Variants in NDUFB5 observed in about 807,000 individuals in gnomAD.
NDUFB5 encodes the protein NADH dehydrogenase [ubiquinone] 1 beta subcomplex subunit 5, mitochondrial.
A neutral mutation model predicts 19.4 loss-of-function variants in NDUFB5; 19 were observed. The observed-to-expected ratio is 0.98, with a 90% CI of 0.68 to 1.43. The LOEUF (loss-of-function observed/expected upper bound fraction) is 1.43. NDUFB5 is among the 40% of genes most tolerant of loss of function. The pLI is 0.00. For synonymous variants in NDUFB5, 80 were observed against 82.6 expected, an observed-to-expected ratio of 0.97 and a Z score of 0.17; for missense variants, 233 against 236.5, an observed-to-expected ratio of 0.99 and a Z score of 0.10.
chr3:179,605,036 C>T, intron 1 of NDUFB5, 97 bp downstream of exon 1: 1 of 1,409,318 alleles, frequency 7.1e-7, no homozygotes, highest in Admixed American at 3.4e-5. Flanking sequence ...CGGAGGGAGC[C>T]GGGACAAGTT....
At chr3:179,619,108 A>C (rs1719458606) in intron 5 of NDUFB5, among the ~76,000 whole-genome samples, 1 of 149,832 alleles carries the variant, frequency 6.7e-6, no homozygotes, top group South Asian at 2.1e-4. Context: ...AGCTATGTGG[A>C]TTTTCTTTCT....
chr3:179,616,654 A>C (rs777887617), intron 3 of NDUFB5, among the ~76,000 whole-genome samples: 1 of 152,202 alleles, frequency 6.6e-6, no homozygotes. Flanking sequence ...CTTGAATCCT[A>C]AAATGTTTTG....
intron 1 of NDUFB5, among the ~76,000 whole-genome samples, chr3:179,609,161 T>G (rs1327918544): frequency 6.6e-6 from 1 of 152,222 alleles, no homozygotes; most frequent in Admixed American, 6.5e-5. Context: ...GAATAATGTT[T>G]CTGTGAACAT....
chr3:179,607,508 A>G (rs1219540943), intron 1 of NDUFB5, among the ~76,000 whole-genome samples: 8 of 152,232 alleles, frequency 5.3e-5, no homozygotes, highest in Non-Finnish European at 1.2e-4. Context: ...ACCTGCCTCA[A>G]AAGGTAGTTG....
In NDUFB5 at chr3:179,615,008, A is replaced by G. The variant is rs2108397794; in HGVS notation, c.162A>G (p.Leu54=). 5 of 1,610,050 alleles carry G rather than the reference A, an allele frequency of 3.1e-6. No individual in the cohort carries two copies. The highest frequency in any genetic ancestry group is 1.7e-4 in the Middle Eastern group (1 of 6,038). Residue 54 remains leucine, a synonymous_variant, in exon 2 of 6, where the codon CTA becomes CTG. Transcript: ENST00000259037. ...VRHSGDHGKR[L]FVIRPSRFYD... Reference sequence around the variant, plus strand: ...ACAGTGGAGACCATGGGAAAAGACTATTTGTCATCAGACCTTCTAGATTCT... The same window carrying G: ...ACAGTGGAGACCATGGGAAAAGACTGTTTGTCATCAGACCTTCTAGATTCT...
At chr3:179,607,361 A>G (rs1367021844) in intron 1 of NDUFB5, among the ~76,000 whole-genome samples, 1 of 152,236 alleles carries the variant, frequency 6.6e-6, no homozygotes, top group Non-Finnish European at 1.5e-5. Context: ...TTCTGGAGAT[A>G]GACTGCCTAT....
intron 4 of NDUFB5, 55 bp downstream of exon 4, chr3:179,617,099 G>C: frequency 7.7e-7 from 1 of 1,296,058 alleles, no homozygotes; most frequent in Non-Finnish European, 1.1e-6. Context: ...CAACGCACTA[G>C]TTAATGTCTT....
chr3:179,619,196 G>GTTTTTTTTTTT (rs63194561), intron 5 of NDUFB5, among the ~76,000 whole-genome samples: 1 of 123,842 alleles, frequency 8.1e-6, no homozygotes, highest in Non-Finnish European at 1.7e-5. Flanking sequence ...CTGAGTGCCT[G>GTTTTTTTTTTT]TTTTTTTTTT....
chr3:179,624,597 ACACACACG>A lies in NDUFB5; in HGVS notation c.*559_*566del, dbSNP rs1719624906. On this transcript the variant is annotated 3_prime_UTR_variant, in exon 6 of 6. Transcript: ENST00000259037. Reference sequence around the variant, plus strand: ...TACACACACACACACACACACACACACACACACGCTCTTTTCCTAGATGCAATCTCTGG... The same window carrying A: ...TACACACACACACACACACACACACACTCTTTTCCTAGATGCAATCTCTGG... 1.3e-5 allele frequency: 2 copies of A among 148,488 alleles called. No individual in the cohort carries two copies. The highest frequency in any genetic ancestry group is 4.3e-4 in the South Asian group (2 of 4,632). The allele number at this position is 148,488 out of a possible 1,614,324, so 9.2% of individuals were successfully genotyped here. A position where few individuals can be genotyped will look rare whatever the true frequency, so the allele number is the denominator to read the frequency against.
intron 5 of NDUFB5, among the ~76,000 whole-genome samples, chr3:179,619,078 G>A (rs1011679058): frequency 1.3e-5 from 2 of 150,562 alleles, no homozygotes; most frequent in African/African-American, 2.4e-5. Flanking sequence ...AAAAAGAAAG[G>A]GATATATGCT....
chr3:179,613,162 G>A (rs1424935975), intron 1 of NDUFB5, among the ~76,000 whole-genome samples: 1 of 151,868 alleles, frequency 6.6e-6, no homozygotes, highest in Non-Finnish European at 1.5e-5. Context: ...CAGGAATGCT[G>A]TATCCACCTC....
chr3:179,617,248 A>C (rs1307304088), intron 4 of NDUFB5: 37 of 389,478 alleles, frequency 9.5e-5, no homozygotes, highest in East Asian at 2.7e-4. Context: ...AGCGATTCTC[A>C]TGCCTCAGTC....
At chr3:179,616,807 T>C (rs1045585579) in intron 3 of NDUFB5, among the ~76,000 whole-genome samples, 176 bp from the exon 4 acceptor site, 1 of 152,150 alleles carries the variant, frequency 6.6e-6, no homozygotes, top group Admixed American at 6.5e-5. Context: ...GTCTAACAAA[T>C]GAATTGATTT....
At chr3:179,617,251 C>T (rs1719406755) in intron 4 of NDUFB5, 1 of 382,272 alleles carries the variant, frequency 2.6e-6, no homozygotes, top group Non-Finnish European at 4.7e-6. Context: ...GATTCTCATG[C>T]CTCAGTCTCC....
intron 5 of NDUFB5, 123 bp downstream of exon 5, chr3:179,618,644 T>C (rs576055351): frequency 3.0e-6 from 2 of 672,944 alleles, no homozygotes; most frequent in East Asian, 3.0e-5. Flanking sequence ...AGGATAAAGA[T>C]ACGTCCAGAT....
At chr3:179,618,758 G>T (rs1719450068) in intron 5 of NDUFB5, among the ~76,000 whole-genome samples, 1 of 152,060 alleles carries the variant, frequency 6.6e-6, no homozygotes, top group African/African-American at 2.4e-5. Flanking sequence ...GGCTGAGGCA[G>T]AAGAATCACT....
chr3:179,615,238 G>T lies in NDUFB5; in HGVS notation c.213+179G>T, dbSNP rs1256865655. The T allele has an allele frequency of 1.0e-5, 4 of 392,680 alleles. No homozygotes were observed. The South Asian group carries it at 1.1e-4, about 10-fold the overall frequency. 24.3% of individuals were successfully genotyped at this position (392,680 alleles called of 1,614,324 possible). A position where few individuals can be genotyped will look rare whatever the true frequency, so the allele number is the denominator to read the frequency against. On this transcript the variant is annotated intron_variant, in intron 2 of 5. Coordinates refer to ENST00000259037, the MANE Select transcript of NDUFB5 (RefSeq NM_002492.4). The stretch of plus-strand genomic sequence containing the variant: ...TGTTATTGAATTTCTCTTTAAATTA[G>T]TGAAGCTTTCCTTCTTCACAAAAGG...
rs1719339593 is a variant in NDUFB5 at position 179,615,021 on chromosome 3, C to T, written c.175C>T (p.Pro59Ser). The change falls in exon 2 of 6, where the codon CCT becomes TCT. Residue 59 changes from proline (P) to serine (S), a missense_variant. Physicochemically the swap from Pro to Ser is moderately conservative, Grantham distance 74 (BLOSUM62 -1). Transcript: ENST00000259037. ...DHGKRLFVIR[P>S]SRFYDRRFLK... ...TGGGAAAAGACTATTTGTCATCAGA[C>T]CTTCTAGATTCTATGACAGGCGTTT... 1 of 1,608,838 alleles carries T rather than the reference C, an allele frequency of 6.2e-7. No individual in the cohort carries two copies. The highest frequency in any genetic ancestry group is 8.5e-7 in the Non-Finnish European group (1 of 1,176,640).
chr3:179,611,979 T>TA (rs1180735199), intron 1 of NDUFB5, among the ~76,000 whole-genome samples: 1 of 151,546 alleles, frequency 6.6e-6, no homozygotes, highest in African/African-American at 2.4e-5. Flanking sequence ...TTCACCCTAA[T>TA]AATTTAATTT....
Sources: gnomAD v4.1 joint callset for allele counts (sites outside exome capture counted in the v4.1 genomes callset) on GRCh38, gnomAD v4.1.1 for gene constraint, MANE v1.5 for transcripts, NCBI Gene and HGNC (gene_info 2026-07-23, HGNC 2026-07-21) for gene names.